The following ANO10 variants were observed in gnomAD, a reference collection of about 807,000 sequenced individuals.
ANO10 encodes the protein anoctamin-10.
In ANO10, 77 loss-of-function variants were observed where a neutral mutation model predicts 74.7. The ratio of observed to expected loss-of-function variants is 1.03; its 90% confidence interval spans 0.86 to 1.25. ANO10 has a LOEUF of 1.25. Among genes scored for constraint, ANO10 ranks in the 50% most tolerant of loss-of-function variants. ANO10 has a pLI of 0.00. For missense variants in ANO10, 721 were observed against 778.1 expected (o/e 0.93, Z 0.87); for synonymous variants, 279 against 284.9 (o/e 0.98, Z 0.21).
intron 11 of ANO10, among the ~76,000 whole-genome samples, chr3:43,494,455 A>G (rs894018760): frequency 2.0e-5 from 3 of 152,238 alleles, no homozygotes; most frequent in Admixed American, 6.5e-5. Context: ...CTCCATCTCA[A>G]AAAATAAAAA....
intron 11 of ANO10, among the ~76,000 whole-genome samples, chr3:43,465,305 G>A (rs757509672): frequency 6.6e-6 from 1 of 152,118 alleles, no homozygotes; most frequent in Non-Finnish European, 1.5e-5. Context: ...CACAAACCTA[G>A]ACAGTCTACC....
intron 1 of ANO10, chr3:43,690,905 C>CG: frequency 7.1e-7 from 1 of 1,408,350 alleles, no homozygotes; most frequent in Non-Finnish European, 9.4e-7. Flanking sequence ...CGGCCTGCGC[C>CG]GCCTTAAGTG....
intron 2 of ANO10, among the ~76,000 whole-genome samples, chr3:43,601,133 A>C (rs1370049616): frequency 6.6e-6 from 1 of 152,226 alleles, no homozygotes; most frequent in Non-Finnish European, 1.5e-5. Context: ...ATAAAGAGAT[A>C]TCATGATTTG....
At chr3:43,574,511 T>C (rs958359086) in intron 7 of ANO10, among the ~76,000 whole-genome samples, 11 of 152,164 alleles carry the variant, frequency 7.2e-5, no homozygotes, top group African/African-American at 2.7e-4. Context: ...TCCACCAGCA[T>C]AGGCCTTCCA....
intron 1 of ANO10, among the ~76,000 whole-genome samples, chr3:43,646,978 A>T (rs1400118176): frequency 6.6e-6 from 1 of 152,070 alleles, no homozygotes; most frequent in Non-Finnish European, 1.5e-5. Flanking sequence ...GAAAAGCGGG[A>T]AAGAAAAGCA....
At chr3:43,556,598 AG>A (rs1304042787) in intron 9 of ANO10, among the ~76,000 whole-genome samples, 1 of 152,208 alleles carries the variant, frequency 6.6e-6, no homozygotes, top group African/African-American at 2.4e-5. Flanking sequence ...AACAGCAAGA[AG>A]GAAAAAAAAT....
At chr3:43,680,567 AG>A (rs1021026939) in intron 1 of ANO10, among the ~76,000 whole-genome samples, 25 of 152,208 alleles carry the variant, frequency 1.6e-4, no homozygotes, top group African/African-American at 5.5e-4. Context: ...ATTCAAATTC[AG>A]GAAATACAGA....
chr3:43,659,408 C>G (rs571704132), intron 1 of ANO10, among the ~76,000 whole-genome samples: 1 of 152,194 alleles, frequency 6.6e-6, no homozygotes, highest in Non-Finnish European at 1.5e-5. Flanking sequence ...GATCCCCTCC[C>G]GTGCCTGGCT....
intron 11 of ANO10, among the ~76,000 whole-genome samples, chr3:43,473,625 C>T (rs2075953118): frequency 6.6e-6 from 1 of 152,208 alleles, no homozygotes; most frequent in African/African-American, 2.4e-5. Flanking sequence ...TGTTCCTAGA[C>T]ATGCTGAAGA....
intron 1 of ANO10, among the ~76,000 whole-genome samples, chr3:43,661,390 G>A (rs1474043042): frequency 6.6e-6 from 1 of 151,846 alleles, no homozygotes; most frequent in Admixed American, 6.6e-5. Context: ...TGCCTTACAA[G>A]AGCTCCTGAA....
chr3:43,680,585 C>T (rs2084182805), intron 1 of ANO10, among the ~76,000 whole-genome samples: 1 of 152,108 alleles, frequency 6.6e-6, no homozygotes, highest in Admixed American at 6.6e-5. Flanking sequence ...CAGAGACCAC[C>T]ACAAAGATAC....
At chr3:43,522,215 T>C (rs1361335409) in intron 11 of ANO10, among the ~76,000 whole-genome samples, 1 of 152,076 alleles carries the variant, frequency 6.6e-6, no homozygotes, top group Non-Finnish European at 1.5e-5. Context: ...TTTTGGAAAT[T>C]GATAGTGGTG....
At chr3:43,537,112 C>T (rs182574389) in intron 11 of ANO10, among the ~76,000 whole-genome samples, 2 of 152,064 alleles carry the variant, frequency 1.3e-5, no homozygotes, top group African/African-American at 4.8e-5. Flanking sequence ...CAGCAATCTC[C>T]GGGACAAATT....
chr3:43,665,962 C>T (rs2083986940), intron 1 of ANO10, among the ~76,000 whole-genome samples: 1 of 152,098 alleles, frequency 6.6e-6, no homozygotes, highest in Non-Finnish European at 1.5e-5. Context: ...GTTTTCAATA[C>T]ACTTTTATTT....
At chr3:43,616,001 T>C (rs571175111) in intron 1 of ANO10, among the ~76,000 whole-genome samples, 68 of 152,288 alleles carry the variant, frequency 4.5e-4, no homozygotes, top group African/African-American at 1.6e-3. Flanking sequence ...TTGCTTTTCT[T>C]CACCAGATTA....
intron 11 of ANO10, among the ~76,000 whole-genome samples, chr3:43,520,566 A>C (rs1044361679): frequency 6.6e-6 from 1 of 152,172 alleles, no homozygotes; most frequent in Non-Finnish European, 1.5e-5. Flanking sequence ...AAATCAATTG[A>C]CCATAAAATG....
chr3:43,578,160 T>C (rs1438256170), intron 5 of ANO10, among the ~76,000 whole-genome samples: 2 of 152,214 alleles, frequency 1.3e-5, no homozygotes, highest in Admixed American at 1.3e-4. Context: ...TGAGATAGGC[T>C]ATTTTCTCCT....
intron 11 of ANO10, among the ~76,000 whole-genome samples, chr3:43,487,787 T>C (rs889271554): frequency 2.0e-5 from 3 of 152,176 alleles, no homozygotes; most frequent in African/African-American, 7.2e-5. Flanking sequence ...CGAAGGGTTT[T>C]TTGTGTCTCT....
At chr3:43,471,459 G>A (rs960874880) in intron 11 of ANO10, among the ~76,000 whole-genome samples, 8 of 152,220 alleles carry the variant, frequency 5.3e-5, no homozygotes, top group South Asian at 2.1e-4. Context: ...TGTTCAGGGC[G>A]TCTGGGTGAA....
Sources: allele counts gnomAD v4.1 joint callset (sites outside exome capture counted in the v4.1 genomes callset), GRCh38; gene constraint gnomAD v4.1.1; transcripts MANE v1.5; gene names NCBI Gene and HGNC (gene_info 2026-07-23, HGNC 2026-07-21).